MTUS2: variants seen among roughly 807,000 people sequenced by gnomAD.
MTUS2 encodes microtubule associated scaffold protein 2, also known as microtubule-associated tumor suppressor candidate 2.
Under a neutral mutation model 114.1 loss-of-function variants are expected in MTUS2, and 40 were observed. The observed-to-expected ratio is 0.35, with a 90% CI of 0.27 to 0.46. MTUS2 has a LOEUF of 0.46. Among genes scored for constraint, MTUS2 ranks in the 20% least tolerant of loss-of-function variants. The pLI is 1.00. For missense variants in MTUS2, 1,679 were observed against 1,705.4 expected, an observed-to-expected ratio of 0.98 and a Z score of 0.27; for synonymous variants, 688 against 672.0, an observed-to-expected ratio of 1.02 and a Z score of -0.37.
At chr13:29,169,564 G>A (rs1389278245) in intron 5 of MTUS2, among the ~76,000 whole-genome samples, 2 of 151,854 alleles carry the variant, frequency 1.3e-5, no homozygotes, top group East Asian at 3.9e-4. Flanking sequence ...TCTGGGGCTG[G>A]GTAAACATTT....
chr13:29,408,751 G>A (rs1874979371), intron 8 of MTUS2, among the ~76,000 whole-genome samples: 1 of 151,496 alleles, frequency 6.6e-6, no homozygotes, highest in East Asian at 1.9e-4. Flanking sequence ...TCTCATTTGT[G>A]TGCAATGCAA....
intron 2 of MTUS2, among the ~76,000 whole-genome samples, chr13:28,886,846 C>T (rs993480610): frequency 1.3e-5 from 2 of 152,190 alleles, no homozygotes; most frequent in African/African-American, 2.4e-5. Flanking sequence ...ACTTCAGATG[C>T]AGAATGATGG....
chr13:29,002,479 T>G (rs1373479319), intron 2 of MTUS2, among the ~76,000 whole-genome samples: 2 of 152,228 alleles, frequency 1.3e-5, no homozygotes, highest in Non-Finnish European at 2.9e-5. Flanking sequence ...CAAAGTGGTT[T>G]CAGATGATAT....
At chr13:29,120,115 G>GA (rs1566018513) in intron 5 of MTUS2, among the ~76,000 whole-genome samples, 1 of 152,146 alleles carries the variant, frequency 6.6e-6, no homozygotes, top group Non-Finnish European at 1.5e-5. Context: ...GACGAAGATT[G>GA]AAAAGGATAG....
At chr13:29,160,769 C>CAAAAA (rs71090227) in intron 5 of MTUS2, among the ~76,000 whole-genome samples, 3 of 119,076 alleles carry the variant, frequency 2.5e-5, no homozygotes, top group Non-Finnish European at 5.7e-5. Context: ...GACTCCGTCT[C>CAAAAA]AAAAAAAAAA....
At chr13:29,328,766 A>C (rs1900636683) in intron 7 of MTUS2, among the ~76,000 whole-genome samples, 1 of 152,186 alleles carries the variant, frequency 6.6e-6, no homozygotes, top group Non-Finnish European at 1.5e-5. Flanking sequence ...ATTCCCACAA[A>C]AGACAGCTTT....
At chr13:29,464,234 C>CT (rs1170554713) in intron 9 of MTUS2, among the ~76,000 whole-genome samples, 3 of 152,200 alleles carry the variant, frequency 2.0e-5, no homozygotes, top group Admixed American at 6.5e-5. Context: ...CTCTGTGACT[C>CT]TAAGAGATGT....
chr13:28,877,926 T>C (rs3001941), intron 2 of MTUS2, among the ~76,000 whole-genome samples: 36,857 of 152,064 alleles, frequency 0.24, 6,972 homozygotes, highest in African/African-American at 0.53. Flanking sequence ...GCTGGCTTGT[T>C]TGTTTTATCA....
chr13:29,011,739 C>T (rs1000276047), intron 2 of MTUS2, among the ~76,000 whole-genome samples: 1 of 152,212 alleles, frequency 6.6e-6, no homozygotes, highest in African/African-American at 2.4e-5. Flanking sequence ...AATGAAAATA[C>T]AGAGTCTTTC....
intron 5 of MTUS2, among the ~76,000 whole-genome samples, chr13:29,140,988 C>A (rs1892198869): frequency 6.6e-6 from 1 of 152,116 alleles, no homozygotes; most frequent in Admixed American, 6.6e-5. Context: ...CTTAGGGGTC[C>A]CCTGACCCCT....
intron 5 of MTUS2, among the ~76,000 whole-genome samples, chr13:29,126,291 T>C (rs994932177): frequency 3.3e-5 from 5 of 152,182 alleles, no homozygotes; most frequent in Non-Finnish European, 7.3e-5. Context: ...TGTAGTCACA[T>C]CCTGTGCCTT....
intron 6 of MTUS2, among the ~76,000 whole-genome samples, chr13:29,316,885 G>A (rs1265837073): frequency 2.0e-5 from 3 of 152,122 alleles, no homozygotes; most frequent in South Asian, 4.1e-4. Flanking sequence ...TCCCCCAAAA[G>A]TGTAACTTCC....
At chr13:29,049,563 T>G (rs1040030820) in intron 4 of MTUS2, among the ~76,000 whole-genome samples, 1 of 152,240 alleles carries the variant, frequency 6.6e-6, no homozygotes, top group Non-Finnish European at 1.5e-5. Flanking sequence ...GGTTTTCTCT[T>G]GAGATGATTT....
chr13:29,307,888 C>G (rs1899550470), intron 6 of MTUS2: 1 of 558,648 alleles, frequency 1.8e-6, no homozygotes, highest in African/African-American at 1.9e-5. Flanking sequence ...CCCCCCTCCT[C>G]AGAGTTTCCA....
At chr13:29,495,682 G>A (rs2138999051) in intron 12 of MTUS2, among the ~76,000 whole-genome samples, 1 of 152,092 alleles carries the variant, frequency 6.6e-6, no homozygotes, top group Non-Finnish European at 1.5e-5. Flanking sequence ...ACCAGCCTGG[G>A]CAACATGGCA....
chr13:29,250,025 G>A (rs1365494697), intron 5 of MTUS2, among the ~76,000 whole-genome samples: 1 of 152,106 alleles, frequency 6.6e-6, no homozygotes, highest in Non-Finnish European at 1.5e-5. Context: ...ATCGACAAAT[G>A]AGATGTAATT....
intron 5 of MTUS2, among the ~76,000 whole-genome samples, chr13:29,103,261 C>T (rs1014051924): frequency 2.0e-5 from 3 of 152,154 alleles, no homozygotes; most frequent in African/African-American, 4.8e-5. Flanking sequence ...GCAGTGTCAT[C>T]GTGGCGCAAA....
At chr13:28,836,225 A>G (rs962739356) in intron 1 of MTUS2, among the ~76,000 whole-genome samples, 2 of 152,164 alleles carry the variant, frequency 1.3e-5, no homozygotes, top group Non-Finnish European at 2.9e-5. Context: ...TTGAATCCTC[A>G]AAATAAAGTA....
At chr13:29,297,868 T>TAC (rs1222489462) in intron 6 of MTUS2, among the ~76,000 whole-genome samples, 1 of 121,364 alleles carries the variant, frequency 8.2e-6, no homozygotes. Flanking sequence ...AGTATATGTG[T>TAC]ACACACATAC....
Sources: gnomAD v4.1 joint callset for allele counts (sites outside exome capture counted in the v4.1 genomes callset) on GRCh38, gnomAD v4.1.1 for gene constraint, MANE v1.5 for transcripts, NCBI Gene and HGNC (gene_info 2026-07-23, HGNC 2026-07-21) for gene names.